The following RABGEF1 variants were observed in gnomAD, a reference collection of about 807,000 sequenced individuals.
RABGEF1 encodes the protein RAB guanine nucleotide exchange factor 1.
A neutral mutation model predicts 57.3 loss-of-function variants in RABGEF1; 26 were observed. The ratio of observed to expected loss-of-function variants is 0.45; its 90% CI spans 0.33 to 0.63. The LOEUF (loss-of-function observed/expected upper bound fraction) is 0.63, where lower values mean the gene tolerates loss of function less well. Among genes scored for constraint, RABGEF1 ranks in the 20% least tolerant of loss-of-function variants. RABGEF1 has a pLI of 0.02. For missense variants in RABGEF1, 464 were observed against 607.6 expected (o/e 0.76, Z 2.48); for synonymous variants, 185 against 210.7 (o/e 0.88, Z 1.06).
chr7:66,703,316 T>C (rs1333387766), intron 1 of RABGEF1, among the ~76,000 whole-genome samples: 1 of 152,208 alleles, frequency 6.6e-6, no homozygotes, highest in Non-Finnish European at 1.5e-5. Flanking sequence ...CTATCTATTT[T>C]TTCTTTTGTT....
chr7:66,709,122 A>G (rs1584840307), intron 1 of RABGEF1, among the ~76,000 whole-genome samples: 2 of 151,918 alleles, frequency 1.3e-5, no homozygotes, highest in African/African-American at 2.4e-5. Flanking sequence ...GGTTCAAGCA[A>G]TTCTCCTGCC....
At chr7:66,658,860 C>T in the RABGEF1 span, among the ~76,000 whole-genome samples, 5 of 152,126 alleles carry the variant, frequency 3.3e-5, no homozygotes, top group Admixed American at 6.5e-5. Flanking sequence ...CTCAGCCTCC[C>T]GAGTAGCTGG....
chr7:66,674,767 T>C, the RABGEF1 span, among the ~76,000 whole-genome samples: 43 of 152,180 alleles, frequency 2.8e-4, no homozygotes, highest in Admixed American at 2.8e-3. Flanking sequence ...TTTACTGATC[T>C]AGGAGAAGTT....
chr7:66,656,543 T>A, the RABGEF1 span, among the ~76,000 whole-genome samples: 9 of 152,096 alleles, frequency 5.9e-5, no homozygotes, highest in Admixed American at 5.9e-4. Flanking sequence ...TCTCTCTGGC[T>A]GGGCGTGGTG....
chr7:66,802,437 T>C (rs1349876582), intron 7 of RABGEF1, among the ~76,000 whole-genome samples: 2 of 152,342 alleles, frequency 1.3e-5, no homozygotes, highest in Non-Finnish European at 1.5e-5. Flanking sequence ...AGCGTATACT[T>C]AGCTCTGTGT....
chr7:66,740,609 C>G (rs976183603), upstream of RABGEF1: 2 of 152,782 alleles, frequency 1.3e-5, no homozygotes, highest in East Asian at 3.9e-4. Context: ...GCACTTCCTC[C>G]CGTCCAGAGT....
intron 1 of RABGEF1, among the ~76,000 whole-genome samples, chr7:66,704,810 CAAA>C (rs368286166): frequency 1.2e-5 from 1 of 83,564 alleles, no homozygotes; most frequent in Admixed American, 1.3e-4. Context: ...GACTCCGTCT[CAAA>C]AAAAAAAAAA....
chr7:66,706,198 G>A (rs891817886), intron 1 of RABGEF1, among the ~76,000 whole-genome samples: 8 of 151,738 alleles, frequency 5.3e-5, no homozygotes, highest in East Asian at 3.9e-4. Flanking sequence ...CACCGTGCCC[G>A]GCCTGTTTAT....
the RABGEF1 span, among the ~76,000 whole-genome samples, chr7:66,674,871 G>A: frequency 1.9e-3 from 292 of 151,688 alleles, 1 homozygote; most frequent in Middle Eastern, 3.4e-3. Context: ...GTGGTTGGAC[G>A]GGAATATTCA....
intron 1 of RABGEF1, among the ~76,000 whole-genome samples, chr7:66,701,093 G>A (rs1383769489): frequency 3.0e-5 from 2 of 67,370 alleles, no homozygotes; most frequent in East Asian, 1.3e-3. Flanking sequence ...GGTGGGGACT[G>A]TTTGTGAGCA....
At chr7:66,767,925 A>G (rs1002518419) in intron 1 of RABGEF1, among the ~76,000 whole-genome samples, 7 of 152,204 alleles carry the variant, frequency 4.6e-5, no homozygotes, top group African/African-American at 1.4e-4. Context: ...AGATTCATCA[A>G]AGTTGTTGGG....
In RABGEF1 at chr7:66,758,413, CTGACA is replaced by C. The variant is rs553555563; in HGVS notation, c.-17-13468_-17-13464del. Among the ~76,000 whole-genome samples, 138 of 152,306 alleles carry C rather than the reference CTGACA, an allele frequency of 9.1e-4. 1 individual carries two copies. The highest frequency in any genetic ancestry group is 2.9e-3 in the Admixed American group (44 of 15,308). The stretch of plus-strand genomic sequence containing the variant: ...AGAGATCATTTTTACTCTGTCTTCC[CTGACA>C]TAAGTGGGACCAATTGAATTGTGCA... On this transcript the variant is annotated intron_variant, in intron 1 of 8. Coordinates refer to ENST00000284957, the MANE Select transcript of RABGEF1 (RefSeq NM_014504.3).
intron 1 of RABGEF1, among the ~76,000 whole-genome samples, chr7:66,686,378 G>T (rs1345223839): frequency 1.3e-5 from 2 of 152,144 alleles, no homozygotes; most frequent in African/African-American, 4.8e-5. Context: ...AGGCCAAAGT[G>T]GGAGGATCGC....
chr7:66,809,492 T>A lies in RABGEF1; in HGVS notation c.*208T>A. ...ACTTATTTGAGTTACTGATACAGATTCATTTAAGGCTTGTGTGCAAATTTT... is the reference window on the plus strand; with the variant it reads ...ACTTATTTGAGTTACTGATACAGATACATTTAAGGCTTGTGTGCAAATTTT... On this transcript the variant is annotated 3_prime_UTR_variant, in exon 9 of 9. Transcript: ENST00000284957. The A allele has an allele frequency of 2.1e-6, 1 of 482,990 alleles. No homozygotes were observed. Among genetic ancestry groups the A allele is most frequent in the Non-Finnish European group, 3.4e-6 (1 of 291,306 alleles). The allele number at this position is 482,990 out of a possible 1,614,324, so 29.9% of individuals were successfully genotyped here.
chr7:66,748,191 C>CTT (rs1800667809), intron 1 of RABGEF1, among the ~76,000 whole-genome samples: 1 of 152,084 alleles, frequency 6.6e-6, no homozygotes, highest in Non-Finnish European at 1.5e-5. Context: ...AGTAAAACTC[C>CTT]TTATTGGCTT....
chr7:66,708,552 G>A (rs1344417836), intron 1 of RABGEF1, among the ~76,000 whole-genome samples: 2 of 152,168 alleles, frequency 1.3e-5, no homozygotes, highest in African/African-American at 2.4e-5. Flanking sequence ...ACCTCCCAAA[G>A]TGCTAGGATT....
chr7:66,790,937 T>G (rs1354857064), intron 4 of RABGEF1, among the ~76,000 whole-genome samples: 1 of 152,246 alleles, frequency 6.6e-6, no homozygotes, highest in Non-Finnish European at 1.5e-5. Context: ...AAAATGTCTT[T>G]GGGAATTCTG....
At chr7:66,791,982 C>T (rs891312860) in intron 4 of RABGEF1, among the ~76,000 whole-genome samples, 3 of 151,898 alleles carry the variant, frequency 2.0e-5, no homozygotes, top group African/African-American at 2.4e-5. Flanking sequence ...CGTGGTGGCA[C>T]ATGCCTGTAG....
the RABGEF1 span, among the ~76,000 whole-genome samples, chr7:66,675,455 A>C: frequency 1.3e-5 from 2 of 151,796 alleles, no homozygotes; most frequent in African/African-American, 2.4e-5. Flanking sequence ...AACAAAAAAA[A>C]CCCCAAAAAA....
Sources: gnomAD v4.1 joint callset for allele counts (sites outside exome capture counted in the v4.1 genomes callset) on GRCh38, gnomAD v4.1.1 for gene constraint, MANE v1.5 for transcripts, NCBI Gene and HGNC (gene_info 2026-07-23, HGNC 2026-07-21) for gene names.